Variants in FAT3 observed in about 807,000 individuals in gnomAD.
FAT3 encodes FAT atypical cadherin 3.
FAT3 carries 95 observed loss-of-function variants against 310.2 expected under a neutral mutation model. That is an observed-to-expected ratio of 0.31 (90% confidence interval 0.26 to 0.36). The LOEUF (loss-of-function observed/expected upper bound fraction) is 0.36. Ranked by LOEUF, FAT3 falls within the 10% of genes least tolerant of loss-of-function variation. The pLI, the probability that FAT3 is intolerant of heterozygous loss-of-function variation, is 1.00. For synonymous variants in FAT3, 2,314 were observed against 2,192.9 expected (o/e 1.06, Z -1.54); for missense variants, 5,408 against 5,715.6 (o/e 0.95, Z 1.74).
At chr11:92,859,525 T>C (rs1016581483) in intron 21 of FAT3, among the ~76,000 whole-genome samples, 2 of 152,202 alleles carry the variant, frequency 1.3e-5, no homozygotes, top group Admixed American at 1.3e-4. Flanking sequence ...AAATTGGCTC[T>C]TGGTACATGG....
Position 92,891,068 on chromosome 11 carries a change from C to T in FAT3, c.13725C>T (p.Ser4575=), listed in dbSNP as rs2136450518. The T allele has an allele frequency of 6.2e-7, 1 of 1,613,762 alleles. No homozygotes were observed. Among genetic ancestry groups the T allele is most frequent in the Middle Eastern group, 1.6e-4 (1 of 6,062 alleles). Residue 4575 remains serine (S), a synonymous_variant, in exon 28 of 28, where the codon AGC becomes AGT. Transcript: ENST00000525166. The part of the protein sequence containing the change: ...YESVGELSLA[S]LHIPFVETQH... ...GCGTGGGAGAGCTCAGCCTCGCCAG[C>T]CTTCACATTCCCTTTGTGGAGACTC...
In FAT3 at chr11:92,799,770, G is replaced by A. The variant is rs1046502588; in HGVS notation, c.6757G>A (p.Ala2253Thr). Residue 2253 changes from alanine to threonine, a missense_variant, in exon 10 of 28, where the codon GCT becomes ACT. Physicochemically the swap from Ala to Thr is moderately conservative, Grantham distance 58 (BLOSUM62 0). Coordinates refer to ENST00000525166, the MANE Select transcript of FAT3 (RefSeq NM_001367949.2). ...CCCTTTGGATTATGAAGTTACATCT[G>A]CTTACAAGCTGACAATAAGAGCCAG... is the stretch of plus-strand genomic sequence containing the variant. ...VSPLDYEVTSAYKLTIRASDA... is the reference protein window; with the variant it reads ...VSPLDYEVTSTYKLTIRASDA... The A allele has an allele frequency of 3.1e-5, 50 of 1,612,592 alleles. No homozygotes were observed. The highest frequency in any genetic ancestry group is 4.0e-5 in the Non-Finnish European group (47 of 1,179,322).
chr11:92,365,878 T>C (rs1311775216), intron 2 of FAT3, among the ~76,000 whole-genome samples: 1 of 152,212 alleles, frequency 6.6e-6, no homozygotes, highest in African/African-American at 2.4e-5. Flanking sequence ...CTATTTCAAC[T>C]GCCATGAGAA....
intron 4 of FAT3, among the ~76,000 whole-genome samples, chr11:92,716,202 G>T (rs1944679752): frequency 1.3e-5 from 2 of 152,138 alleles, no homozygotes; most frequent in African/African-American, 2.4e-5. Context: ...GCAAAACTCA[G>T]TGATTGAATA....
intron 3 of FAT3, among the ~76,000 whole-genome samples, chr11:92,654,935 A>G (rs1473146437): frequency 6.6e-6 from 1 of 151,634 alleles, no homozygotes; most frequent in Non-Finnish European, 1.5e-5. Flanking sequence ...CTCTTCTTGT[A>G]GCAGCTTCCA....
At chr11:92,319,074 A>AAAC (rs893829292) in intron 1 of FAT3, among the ~76,000 whole-genome samples, 3 of 152,202 alleles carry the variant, frequency 2.0e-5, no homozygotes, top group Admixed American at 1.3e-4. Flanking sequence ...TACACAATCT[A>AAAC]AACAACAACA....
rs374882511 is a variant in FAT3, at chr11:92,831,734, G to A, written c.9594G>A (p.Gln3198=). The change falls in exon 14 of 28, where the codon CAG becomes CAA. Residue 3198 remains glutamine (Q), a synonymous_variant. Coordinates refer to ENST00000525166, the MANE Select transcript of FAT3 (RefSeq NM_001367949.2). The stretch of plus-strand genomic sequence containing the variant: ...AGCAGCCACTGGACCGTGAGCAGCA[G>A]TCTTCGTACAACATCAGCGTGCGGG... The part of the protein sequence containing the change: ...ILEQPLDREQ[Q]SSYNISVRAT... 10 of 1,613,612 alleles carry A rather than the reference G, an allele frequency of 6.2e-6. No homozygotes were observed. The highest frequency in any genetic ancestry group is 1.7e-4 in the Middle Eastern group (1 of 6,060).
chr11:92,779,628 A>G (rs1331564137), intron 7 of FAT3, among the ~76,000 whole-genome samples: 2 of 152,212 alleles, frequency 1.3e-5, no homozygotes, highest in East Asian at 1.9e-4. Flanking sequence ...GTGGTAGGCA[A>G]CAGAGCTCTC....
intron 2 of FAT3, among the ~76,000 whole-genome samples, chr11:92,386,908 A>G (rs1192111580): frequency 2.0e-5 from 3 of 152,182 alleles, no homozygotes; most frequent in African/African-American, 7.2e-5. Flanking sequence ...CTTTTCAACA[A>G]TGCTTACTGA....
chr11:92,832,838 C>T (rs1410617586), intron 14 of FAT3, among the ~76,000 whole-genome samples: 1 of 152,170 alleles, frequency 6.6e-6, no homozygotes, highest in African/African-American at 2.4e-5. Flanking sequence ...AAGTGATCTG[C>T]ATGGTGATAT....
chr11:92,337,911 C>T (rs1331461058), intron 1 of FAT3, among the ~76,000 whole-genome samples: 3 of 152,084 alleles, frequency 2.0e-5, no homozygotes, highest in Non-Finnish European at 4.4e-5. Context: ...TTTGTAATGG[C>T]TGAATGACAT....
At chr11:92,660,219 C>G (rs1942734047) in intron 3 of FAT3, among the ~76,000 whole-genome samples, 1 of 151,472 alleles carries the variant, frequency 6.6e-6, no homozygotes, top group African/African-American at 2.4e-5. Context: ...GAACATCTAA[C>G]CTGAGAGTAA....
At chr11:92,836,467 G>T (rs1278460441) in intron 15 of FAT3, 99 bp from the exon 16 acceptor site, 8 of 1,377,862 alleles carry the variant, frequency 5.8e-6, no homozygotes, top group Non-Finnish European at 7.8e-6. Context: ...CGAGAAAACT[G>T]TCACAGCTGC....
intron 1 of FAT3, among the ~76,000 whole-genome samples, chr11:92,254,955 C>G (rs1341833142): frequency 6.6e-6 from 1 of 152,178 alleles, no homozygotes; most frequent in African/African-American, 2.4e-5. Context: ...ATCTGCCTTA[C>G]TCGGCCTCCC....
At chr11:92,491,745 C>T (rs1357509719) in intron 2 of FAT3, among the ~76,000 whole-genome samples, 2 of 152,062 alleles carry the variant, frequency 1.3e-5, no homozygotes, top group African/African-American at 2.4e-5. Context: ...GAGGATAATT[C>T]TTTCTGCTAG....
intron 3 of FAT3, among the ~76,000 whole-genome samples, chr11:92,627,266 A>G (rs546590172): frequency 4.9e-4 from 74 of 152,070 alleles, no homozygotes; most frequent in Non-Finnish European, 6.3e-4. Flanking sequence ...GTGTCTCTCT[A>G]TGAGCAAATA....
At chr11:92,848,312 A>G (rs1948737850) in intron 19 of FAT3, among the ~76,000 whole-genome samples, 1 of 152,180 alleles carries the variant, frequency 6.6e-6, no homozygotes. Context: ...TGTCTGAACA[A>G]ACTTCAAGAG....
chr11:92,579,764 A>C (rs1938687622), intron 3 of FAT3, among the ~76,000 whole-genome samples: 1 of 152,146 alleles, frequency 6.6e-6, no homozygotes, highest in Non-Finnish European at 1.5e-5. Flanking sequence ...CCCTATAATC[A>C]GCACCTGTTA....
chr11:92,529,906 G>A (rs750187086), intron 3 of FAT3, among the ~76,000 whole-genome samples: 2 of 152,188 alleles, frequency 1.3e-5, no homozygotes, highest in Non-Finnish European at 2.9e-5. Context: ...ATAAACCTGA[G>A]TAAAACATAG....
Sources: gnomAD v4.1 joint callset for allele counts (sites outside exome capture counted in the v4.1 genomes callset) on GRCh38, gnomAD v4.1.1 for gene constraint, MANE v1.5 for transcripts, NCBI Gene and HGNC (gene_info 2026-07-23, HGNC 2026-07-21) for gene names.